The following CCSER1 variants were observed in gnomAD, a reference collection of about 807,000 sequenced individuals.
The protein encoded by CCSER1 is coiled-coil serine rich protein 1.
A neutral mutation model predicts 82.0 loss-of-function variants in CCSER1; 41 were observed. The observed-to-expected ratio is 0.50, with a 90% CI of 0.39 to 0.65. The LOEUF (loss-of-function observed/expected upper bound fraction) is 0.65, where lower values mean the gene tolerates loss of function less well. Ranked by LOEUF, CCSER1 falls within the 30% of genes least tolerant of loss-of-function variation. The pLI is 0.00. For synonymous variants in CCSER1, 414 were observed against 383.9 expected, an observed-to-expected ratio of 1.08 and a Z score of -0.92; for missense variants, 1,119 against 1,064.2, an observed-to-expected ratio of 1.05 and a Z score of -0.72.
In CCSER1 at chr4:91,351,802, A is replaced by G. The variant is rs138066340; in HGVS notation, c.2218-246770A>G. ...TTAAAGAATGTCTTCTACCATTTCA[A>G]TTTTAAAGGGAAAATATTCATTTGT... On this transcript the variant is annotated intron_variant, in intron 10 of 10. Coordinates refer to ENST00000509176, the MANE Select transcript of CCSER1 (RefSeq NM_001145065.2). 8.6e-3 allele frequency among the ~76,000 whole-genome samples: 1,301 copies of G among 152,154 alleles called. 19 individuals carry two copies. The highest frequency in any genetic ancestry group is 0.029 in the African/African-American group (1,221 of 41,524).
intron 4 of CCSER1, among the ~76,000 whole-genome samples, chr4:90,434,337 A>T (rs1401242565): frequency 6.6e-6 from 1 of 152,090 alleles, no homozygotes. Context: ...AAATAATTCT[A>T]CCCTGCCCTG....
chr4:90,948,664 G>T (rs1251438190), intron 9 of CCSER1, among the ~76,000 whole-genome samples: 1 of 151,866 alleles, frequency 6.6e-6, no homozygotes, highest in Non-Finnish European at 1.5e-5. Context: ...GCATTTATAT[G>T]CATCATAAAA....
chr4:91,546,914 G>A (rs1447220975), intron 10 of CCSER1, among the ~76,000 whole-genome samples: 2 of 149,534 alleles, frequency 1.3e-5, no homozygotes, highest in Non-Finnish European at 3.0e-5. Context: ...AAATTTTGAT[G>A]AGTAGTATTT....
chr4:90,658,737 A>C (rs1321058530), intron 6 of CCSER1, among the ~76,000 whole-genome samples: 1 of 152,216 alleles, frequency 6.6e-6, no homozygotes, highest in East Asian at 1.9e-4. Context: ...AACTCAGATT[A>C]CAGCTGTGCG....
intron 10 of CCSER1, among the ~76,000 whole-genome samples, chr4:91,376,902 C>CCCCCCCCTT (rs141460197): frequency 7.0e-6 from 1 of 142,670 alleles, no homozygotes; most frequent in South Asian, 2.3e-4. Context: ...TACTATCCCT[C>CCCCCCCCTT]CCCCCACCCA....
chr4:90,463,486 ATGCACAGTTAG>A (rs140063647), intron 4 of CCSER1, among the ~76,000 whole-genome samples: 292 of 152,332 alleles, frequency 1.9e-3, no homozygotes, highest in Non-Finnish European at 3.0e-3. Context: ...GTAAGAGTAA[ATGCACAGTTAG>A]TGCAGAATTG....
In CCSER1 at chr4:90,482,733, G is replaced by A. The variant is rs1766257461; in HGVS notation, c.1724+14379G>A. On this transcript the variant is annotated intron_variant, in intron 5 of 10. Transcript: ENST00000509176. The stretch of plus-strand genomic sequence containing the variant: ...CTAGTTTGATTGCACTGTGATCTGA[G>A]AGACAGTTTGTTATACTTTCTGTTC... Among the ~76,000 whole-genome samples the A allele has an allele frequency of 2.0e-5, 3 of 152,214 alleles. No individual in the cohort carries two copies. The South Asian group carries it at 6.2e-4, about 32-fold the overall frequency.
intron 1 of CCSER1, among the ~76,000 whole-genome samples, chr4:90,217,202 G>A (rs566223054): frequency 6.6e-6 from 1 of 151,922 alleles, no homozygotes; most frequent in African/African-American, 2.4e-5. Context: ...ACGTTTTTTT[G>A]TTTTTTATTT....
At chr4:90,276,845 T>C (rs955254157) in intron 1 of CCSER1, among the ~76,000 whole-genome samples, 2 of 151,906 alleles carry the variant, frequency 1.3e-5, no homozygotes, top group African/African-American at 4.8e-5. Flanking sequence ...TAATGTTTTG[T>C]TTTTTTTGTA....
intron 9 of CCSER1, among the ~76,000 whole-genome samples, chr4:90,979,839 A>C (rs923422406): frequency 7.9e-5 from 12 of 151,806 alleles, no homozygotes; most frequent in Non-Finnish European, 1.8e-4. Flanking sequence ...TTAAGCCATA[A>C]AACATCAGAG....
chr4:91,392,907 A>G (rs1007610048), intron 10 of CCSER1, among the ~76,000 whole-genome samples: 8 of 152,090 alleles, frequency 5.3e-5, no homozygotes, highest in Non-Finnish European at 8.8e-5. Context: ...GTGTAAAGTG[A>G]TAAAGAGATG....
intron 4 of CCSER1, among the ~76,000 whole-genome samples, chr4:90,437,119 A>G (rs1285516120): frequency 6.6e-6 from 1 of 152,112 alleles, no homozygotes; most frequent in East Asian, 1.9e-4. Flanking sequence ...CCGCCCCCGG[A>G]CGAGAATATT....
At chr4:91,390,511 C>T (rs564267984) in intron 10 of CCSER1, among the ~76,000 whole-genome samples, 1 of 151,802 alleles carries the variant, frequency 6.6e-6, no homozygotes, top group East Asian at 1.9e-4. Context: ...TTTTTCAATG[C>T]ATTTGTCTGA....
At chr4:91,128,760 A>G (rs1044192681) in intron 10 of CCSER1, among the ~76,000 whole-genome samples, 2 of 152,022 alleles carry the variant, frequency 1.3e-5, no homozygotes, top group African/African-American at 4.8e-5. Flanking sequence ...CAGCAGGCTA[A>G]GGGGAAAGTG....
In CCSER1 at chr4:91,357,749, G is replaced by A. The variant is rs781475773; in HGVS notation, c.2218-240823G>A. ...CATTTTTTCTTTCATGACTTTCGCC[G>A]ACAATTTTTCAACATGTCTCAACTT... On this transcript the variant is annotated intron_variant, in intron 10 of 10. Transcript: ENST00000509176. Among the ~76,000 whole-genome samples the A allele has an allele frequency of 1.1e-4, 16 of 150,532 alleles. No individual in the cohort carries two copies. The South Asian group carries it at 1.9e-3, about 18-fold the overall frequency.
At chr4:90,688,758 T>G (rs1313955856) in intron 6 of CCSER1, among the ~76,000 whole-genome samples, 1 of 152,178 alleles carries the variant, frequency 6.6e-6, no homozygotes, top group Non-Finnish European at 1.5e-5. Flanking sequence ...TGTGGAATTT[T>G]TAAATACTTT....
chr4:90,313,275 GA>G (rs1264812799), intron 3 of CCSER1, among the ~76,000 whole-genome samples: 1 of 152,136 alleles, frequency 6.6e-6, no homozygotes, highest in Non-Finnish European at 1.5e-5. Context: ...TGCTTCCATG[GA>G]AAGTTTGACA....
At chr4:90,236,323 T>C (rs974274479) in intron 1 of CCSER1, among the ~76,000 whole-genome samples, 1 of 152,214 alleles carries the variant, frequency 6.6e-6, no homozygotes, top group Non-Finnish European at 1.5e-5. Flanking sequence ...AACTTTTTTC[T>C]TAATCGAGAA....
intron 10 of CCSER1, among the ~76,000 whole-genome samples, chr4:91,190,299 A>AC (rs1734892746): frequency 6.6e-6 from 1 of 152,152 alleles, no homozygotes; most frequent in Non-Finnish European, 1.5e-5. Flanking sequence ...AGTTTTAGTT[A>AC]CCCCAGAGAA....
Sources: allele counts gnomAD v4.1 joint callset (sites outside exome capture counted in the v4.1 genomes callset), GRCh38; gene constraint gnomAD v4.1.1; transcripts MANE v1.5; gene names NCBI Gene and HGNC (gene_info 2026-07-23, HGNC 2026-07-21).